The following DLGAP2 variants were observed in gnomAD, a reference collection of about 807,000 sequenced individuals.
The protein encoded by DLGAP2 is DLG associated protein 2, also known as disks large-associated protein 2.
In DLGAP2, 26 loss-of-function variants were observed where a neutral mutation model predicts 100.3. The observed-to-expected ratio is 0.26, with a 90% confidence interval of 0.19 to 0.36. The LOEUF is 0.36. Ranked by LOEUF, DLGAP2 falls within the 10% of genes least tolerant of loss-of-function variation. The pLI is 1.00. For missense variants in DLGAP2, 1,858 were observed against 1,453.2 expected, an observed-to-expected ratio of 1.28 and a Z score of -4.53; for synonymous variants, 886 against 630.1, an observed-to-expected ratio of 1.41 and a Z score of -6.08.
chr8:1,199,715 A>C (rs571588725), intron 2 of DLGAP2, among the ~76,000 whole-genome samples: 40 of 152,136 alleles, frequency 2.6e-4, no homozygotes, highest in Non-Finnish European at 5.4e-4. Context: ...GGTGGCTCTC[A>C]CTCGGGCTGA....
chr8:925,121 C>G (rs1260441769), intron 2 of DLGAP2, among the ~76,000 whole-genome samples: 2 of 151,874 alleles, frequency 1.3e-5, no homozygotes, highest in Non-Finnish European at 2.9e-5. Context: ...GTGATGGCCA[C>G]TTGGAGTGTT....
At chr8:1,581,871 C>T (rs1376555584) in intron 6 of DLGAP2, among the ~76,000 whole-genome samples, 1 of 151,046 alleles carries the variant, frequency 6.6e-6, no homozygotes, top group Non-Finnish European at 1.5e-5. Flanking sequence ...CATATATACA[C>T]ACCATAGTCA....
At chr8:1,544,390 C>T (rs905233232) in intron 4 of DLGAP2, among the ~76,000 whole-genome samples, 1 of 152,190 alleles carries the variant, frequency 6.6e-6, no homozygotes, top group African/African-American at 2.4e-5. Flanking sequence ...GCATCCTTGT[C>T]TTGTTCTCTT....
intron 12 of DLGAP2, among the ~76,000 whole-genome samples, chr8:1,681,908 C>G (rs780944345): frequency 3.4e-5 from 5 of 147,960 alleles, no homozygotes; most frequent in Non-Finnish European, 7.4e-5. Flanking sequence ...TGATCTGGGA[C>G]TGGGAGTCAC....
intron 2 of DLGAP2, among the ~76,000 whole-genome samples, chr8:908,239 G>A (rs1798419099): frequency 6.6e-6 from 1 of 152,132 alleles, no homozygotes; most frequent in Non-Finnish European, 1.5e-5. Flanking sequence ...AAGGGAAACT[G>A]GTTGTCTTAT....
At chr8:1,480,124 C>G (rs1019751095) in intron 3 of DLGAP2, among the ~76,000 whole-genome samples, 3 of 152,216 alleles carry the variant, frequency 2.0e-5, no homozygotes, top group Non-Finnish European at 4.4e-5. Context: ...CGAACCCCGG[C>G]TGTCTGGCTA....
At chr8:1,184,340 C>T (rs913982972) in intron 2 of DLGAP2, among the ~76,000 whole-genome samples, 2 of 152,254 alleles carry the variant, frequency 1.3e-5, no homozygotes, top group African/African-American at 4.8e-5. Flanking sequence ...GCGTCCGAAA[C>T]GCAGACTGGA....
chr8:1,244,090 C>G (rs1798856553), intron 2 of DLGAP2, among the ~76,000 whole-genome samples: 1 of 152,210 alleles, frequency 6.6e-6, no homozygotes, highest in South Asian at 2.1e-4. Context: ...AGCTCTCAGC[C>G]TCTGCATTCC....
At chr8:1,075,669 T>C (rs1803582500) in intron 2 of DLGAP2, among the ~76,000 whole-genome samples, 1 of 152,078 alleles carries the variant, frequency 6.6e-6, no homozygotes, top group African/African-American at 2.4e-5. Flanking sequence ...CTCCTTCAGG[T>C]CCTTTGTGGA....
intron 3 of DLGAP2, among the ~76,000 whole-genome samples, chr8:1,455,503 C>T (rs557682816): frequency 3.9e-5 from 6 of 152,214 alleles, no homozygotes; most frequent in Non-Finnish European, 5.9e-5. Flanking sequence ...GTGTCCTTCA[C>T]GCCTGAGCAG....
chr8:994,291 C>T (rs968183272), intron 2 of DLGAP2, among the ~76,000 whole-genome samples: 1 of 152,192 alleles, frequency 6.6e-6, no homozygotes, highest in African/African-American at 2.4e-5. Flanking sequence ...ACCTCCACCT[C>T]CCAGATTCAA....
intron 1 of DLGAP2, chr8:753,482 G>GA (rs1282969089): frequency 6.6e-6 from 1 of 152,248 alleles, no homozygotes; most frequent in Non-Finnish European, 1.5e-5. Context: ...GGATGCCTGT[G>GA]AGATGGGAGG....
At chr8:1,150,378 A>G (rs1796676563) in intron 2 of DLGAP2, among the ~76,000 whole-genome samples, 1 of 152,182 alleles carries the variant, frequency 6.6e-6, no homozygotes, top group African/African-American at 2.4e-5. Flanking sequence ...TTGGCTTCTT[A>G]TAATATTTTC....
intron 3 of DLGAP2, among the ~76,000 whole-genome samples, chr8:1,329,793 G>C (rs958623800): frequency 5.3e-5 from 8 of 152,194 alleles, no homozygotes; most frequent in Admixed American, 2.0e-4. Flanking sequence ...GCACTGCTGT[G>C]AGCCCTATCA....
intron 2 of DLGAP2, among the ~76,000 whole-genome samples, chr8:1,004,707 G>A (rs1801055895): frequency 6.6e-6 from 1 of 152,208 alleles, no homozygotes; most frequent in African/African-American, 2.4e-5. Context: ...TCTCCAGTAT[G>A]TGCGGCATCT....
At position 1,530,421 on chromosome 8, in the gene DLGAP2, T is replaced by C. The variant is rs551788160; in HGVS notation, c.173-18205T>C. 4.7e-4 allele frequency among the ~76,000 whole-genome samples: 72 copies of C among 152,340 alleles called. 1 individual carries two copies. Among genetic ancestry groups the C allele is most frequent in the Admixed American group, 2.2e-3 (33 of 15,308 alleles). On this transcript the variant is annotated intron_variant, in intron 4 of 14. Coordinates refer to ENST00000637795, the MANE Select transcript of DLGAP2 (RefSeq NM_001346810.2). ...CTCTTATTCCCTGAACAATTGCTGT[T>C]ATCCTGTTCTTTTTTCAGGGTGCCC... is the stretch of plus-strand genomic sequence containing the variant.
intron 1 of DLGAP2, among the ~76,000 whole-genome samples, chr8:806,575 C>G (rs180683400): frequency 5.3e-5 from 8 of 152,234 alleles, no homozygotes; most frequent in African/African-American, 1.9e-4. Context: ...GAAGCAGGTG[C>G]CCCCCGAACA....
chr8:786,824 G>T (rs1314306558), intron 1 of DLGAP2, among the ~76,000 whole-genome samples: 1 of 151,126 alleles, frequency 6.6e-6, no homozygotes, highest in Non-Finnish European at 1.5e-5. Context: ...TTTTTTAACA[G>T]CGTCTCAGTG....
chr8:1,473,523 G>C (rs894452832), intron 3 of DLGAP2, among the ~76,000 whole-genome samples: 21 of 152,210 alleles, frequency 1.4e-4, no homozygotes, highest in African/African-American at 5.1e-4. Flanking sequence ...AAGGGAAAAA[G>C]CTGCATCTGT....
Sources: allele counts gnomAD v4.1 joint callset (sites outside exome capture counted in the v4.1 genomes callset), GRCh38; gene constraint gnomAD v4.1.1; transcripts MANE v1.5; gene names NCBI Gene and HGNC (gene_info 2026-07-23, HGNC 2026-07-21).